SPTBN1: variants seen among roughly 807,000 people sequenced by gnomAD.
The protein encoded by SPTBN1 is spectrin beta chain, non-erythrocytic 1.
In SPTBN1, 32 loss-of-function variants were observed where a neutral mutation model predicts 266.4. That is an observed-to-expected ratio of 0.12 (90% CI 0.09 to 0.16). SPTBN1 has a LOEUF of 0.16. SPTBN1 is among the 10% of genes least tolerant of loss of function. The pLI, the probability that SPTBN1 is intolerant of heterozygous loss-of-function variation, is 1.00. For synonymous variants in SPTBN1, 1,336 were observed against 1,162.2 expected, an observed-to-expected ratio of 1.15 and a Z score of -3.04; for missense variants, 2,296 against 3,067.1, an observed-to-expected ratio of 0.75 and a Z score of 5.94.
intron 1 of SPTBN1, among the ~76,000 whole-genome samples, chr2:54,502,784 A>G (rs1361043335): frequency 6.6e-6 from 1 of 152,158 alleles, no homozygotes; most frequent in Non-Finnish European, 1.5e-5. Flanking sequence ...GTTGAGCAGG[A>G]ACCTTCTGGA....
In SPTBN1 at chr2:54,645,787, C is replaced by T. The variant is rs1679889326; in HGVS notation, c.4495-141C>T. The T allele has an allele frequency of 1.9e-5, 16 of 848,248 alleles. No homozygotes were observed. The highest frequency in any genetic ancestry group is 2.6e-5 in the Non-Finnish European group (14 of 543,934). 52.5% of individuals were successfully genotyped at this position (848,248 alleles called of 1,614,324 possible). On this transcript the variant is annotated intron_variant, in intron 21 of 35. Coordinates refer to ENST00000356805, the MANE Select transcript of SPTBN1 (RefSeq NM_003128.3). This position sits in a 1 kb window ranked among gnomAD's most constrained non-coding sequence, Gnocchi z 4.3. ...CCCTGTCTCGGAGAACAAGGGCGTG[C>T]TTCCCCAGACAGCCCTCCCGAGGGG...
chr2:54,481,415 TGTGTGTGTGTGTGTGTGTGTGTG>T (rs1558763935), intron 1 of SPTBN1, among the ~76,000 whole-genome samples: 40 of 150,898 alleles, frequency 2.7e-4, no homozygotes, highest in African/African-American at 9.5e-4. Flanking sequence ...TGTGTGTGTG[TGTGTGTGTGTGTGTGTGTGTGTG>T]TGTTTTGTTT....
chr2:54,478,124 A>G (rs1667931618), intron 1 of SPTBN1, among the ~76,000 whole-genome samples: 1 of 152,184 alleles, frequency 6.6e-6, no homozygotes, highest in African/African-American at 2.4e-5. Context: ...GGCTTAATGT[A>G]TCCAGGGATA....
Position 54,628,845 on chromosome 2 carries a change from T to C in SPTBN1, c.1799-88T>C. 1 of 1,478,520 alleles carries C rather than the reference T, an allele frequency of 6.8e-7. No homozygotes were observed. The highest frequency in any genetic ancestry group is 9.0e-7 in the Non-Finnish European group (1 of 1,105,842). The allele number at this position is 1,478,520 out of a possible 1,614,324, so 91.6% of individuals were successfully genotyped here. A position where few individuals can be genotyped will look rare whatever the true frequency, so the allele number is the denominator to read the frequency against. On this transcript the variant is annotated intron_variant, in intron 13 of 35. Coordinates refer to ENST00000356805, the MANE Select transcript of SPTBN1 (RefSeq NM_003128.3). This position sits in a 1 kb window ranked among gnomAD's most constrained non-coding sequence, Gnocchi z 4.3. Reference sequence around the variant, plus strand: ...AGCAGTGAGCTGGTAATCATAAGAATATGGGGTGTAGCTTACTGCCTGCCA... The same window carrying C: ...AGCAGTGAGCTGGTAATCATAAGAACATGGGGTGTAGCTTACTGCCTGCCA...
At chr2:54,562,427 T>G (rs1276376268) in intron 2 of SPTBN1, among the ~76,000 whole-genome samples, 1 of 152,212 alleles carries the variant, frequency 6.6e-6, no homozygotes, top group Non-Finnish European at 1.5e-5. Context: ...GGCCTACAGC[T>G]TTTTATAAAA....
At chr2:54,529,486 G>A in intron 2 of SPTBN1, 1 of 715,706 alleles carries the variant, frequency 1.4e-6, no homozygotes, top group South Asian at 1.3e-5. Flanking sequence ...CCACCTTCCA[G>A]CGGCCCAAGA....
At chr2:54,633,756 C>G (rs1355627669) in intron 17 of SPTBN1, among the ~76,000 whole-genome samples, 5 of 152,170 alleles carry the variant, frequency 3.3e-5, no homozygotes, top group Admixed American at 3.3e-4. Context: ...CTTACCACAT[C>G]TGAGAGGGTT....
chr2:54,663,614 T>G (rs1276329976), intron 32 of SPTBN1: 1 of 152,274 alleles, frequency 6.6e-6, no homozygotes, highest in Admixed American at 6.5e-5. Flanking sequence ...CTCTGGGCTT[T>G]CTCGTCTCAG....
chr2:54,591,549 C>T (rs1675683883), intron 2 of SPTBN1, among the ~76,000 whole-genome samples: 1 of 152,116 alleles, frequency 6.6e-6, no homozygotes, highest in Non-Finnish European at 1.5e-5. Context: ...TTCTCTTAAG[C>T]CAGGTATAAA....
At chr2:54,487,013 T>A (rs2103982445) in intron 1 of SPTBN1, among the ~76,000 whole-genome samples, 1 of 152,278 alleles carries the variant, frequency 6.6e-6, no homozygotes, top group Middle Eastern at 3.4e-3. Flanking sequence ...AGGCTAGCAA[T>A]ATAATAATGT....
intron 1 of SPTBN1, among the ~76,000 whole-genome samples, chr2:54,478,829 A>C (rs1226586541): frequency 1.3e-5 from 2 of 152,210 alleles, no homozygotes; most frequent in Non-Finnish European, 2.9e-5. Flanking sequence ...TTGCTGGGAA[A>C]ATAGAAAGTG....
At chr2:54,523,507 G>T (rs893241255) in intron 1 of SPTBN1, among the ~76,000 whole-genome samples, 1 of 152,192 alleles carries the variant, frequency 6.6e-6, no homozygotes, top group Non-Finnish European at 1.5e-5. Context: ...TGACAAAAGA[G>T]CAGGCAGTTG....
intron 3 of SPTBN1, among the ~76,000 whole-genome samples, chr2:54,609,318 C>G (rs1407976995): frequency 6.6e-6 from 1 of 152,168 alleles, no homozygotes; most frequent in South Asian, 2.1e-4. Context: ...TCATGAAAAC[C>G]TTCACCCCTC....
At chr2:54,486,324 G>T (rs1668388098) in intron 1 of SPTBN1, among the ~76,000 whole-genome samples, 1 of 152,092 alleles carries the variant, frequency 6.6e-6, no homozygotes. Context: ...TGGTTGCCGT[G>T]TCTGTGTAGA....
chr2:54,592,036 G>A (rs1442349860), intron 2 of SPTBN1, among the ~76,000 whole-genome samples: 3 of 152,104 alleles, frequency 2.0e-5, no homozygotes, highest in Non-Finnish European at 4.4e-5. Context: ...GTGTGATGGT[G>A]CATGCCTGTA....
At chr2:54,667,490 C>T (rs577329174) in intron 34 of SPTBN1, 114 bp from the exon 35 acceptor site, 72 of 960,654 alleles carry the variant, frequency 7.5e-5, no homozygotes, top group Non-Finnish European at 9.4e-5. Flanking sequence ...TGTAGGTTGA[C>T]GCTTCTGTTG....
intron 32 of SPTBN1, chr2:54,663,010 T>C (rs1681154290): frequency 6.6e-6 from 1 of 152,228 alleles, no homozygotes; most frequent in South Asian, 2.1e-4. Context: ...GCCCTGATGC[T>C]AATTATGATA....
At chr2:54,561,909 T>C (rs1367256290) in intron 2 of SPTBN1, among the ~76,000 whole-genome samples, 1 of 146,634 alleles carries the variant, frequency 6.8e-6, no homozygotes, top group Non-Finnish European at 1.5e-5. Context: ...GATACAAGAG[T>C]GATGGCTTTA....
At chr2:54,484,627 G>T (rs897906502) in intron 1 of SPTBN1, among the ~76,000 whole-genome samples, 1 of 152,154 alleles carries the variant, frequency 6.6e-6, no homozygotes, top group Non-Finnish European at 1.5e-5. Flanking sequence ...ACTCTTCAGG[G>T]TGCCACTATT....
Sources: allele counts gnomAD v4.1 joint callset (sites outside exome capture counted in the v4.1 genomes callset), GRCh38; gene constraint gnomAD v4.1.1; non-coding constraint Gnocchi (gnomAD v3.1); transcripts MANE v1.5; gene names NCBI Gene and HGNC (gene_info 2026-07-23, HGNC 2026-07-21).